The following TNR variants were observed in gnomAD, a reference collection of about 807,000 sequenced individuals.
The protein encoded by TNR is tenascin R.
TNR carries 45 observed loss-of-function variants against 150.4 expected under a neutral mutation model. The observed-to-expected ratio is 0.30, with a 90% CI of 0.24 to 0.38. The LOEUF (loss-of-function observed/expected upper bound fraction) is 0.38, where lower values mean the gene tolerates loss of function less well. TNR is among the 10% of genes least tolerant of loss of function. TNR has a pLI of 1.00. For missense variants in TNR, 1,544 were observed against 1,759.1 expected, an observed-to-expected ratio of 0.88 and a Z score of 2.19; for synonymous variants, 687 against 678.4, an observed-to-expected ratio of 1.01 and a Z score of -0.20.
intron 1 of TNR, among the ~76,000 whole-genome samples, chr1:175,676,960 G>A (rs187490226): frequency 4.6e-5 from 7 of 152,294 alleles, no homozygotes; most frequent in African/African-American, 1.7e-4. Context: ...CATTTTCCAG[G>A]TGAGAGGACT....
chr1:175,594,699 A>G (rs994135273), intron 1 of TNR, among the ~76,000 whole-genome samples: 2 of 152,028 alleles, frequency 1.3e-5, no homozygotes, highest in African/African-American at 4.8e-5. Flanking sequence ...TACAAAAGAT[A>G]CAAAAATTAT....
intron 2 of TNR, among the ~76,000 whole-genome samples, chr1:175,456,657 A>C (rs889896967): frequency 6.6e-6 from 1 of 152,212 alleles, no homozygotes; most frequent in Non-Finnish European, 1.5e-5. Flanking sequence ...CAGCTCTTGA[A>C]AACATCCTAG....
chr1:175,714,523 T>C (rs1667100738), intron 1 of TNR, among the ~76,000 whole-genome samples: 1 of 152,118 alleles, frequency 6.6e-6, no homozygotes, highest in African/African-American at 2.4e-5. Flanking sequence ...AAATTCTAGA[T>C]AGATGGGCTG....
intron 2 of TNR, among the ~76,000 whole-genome samples, chr1:175,463,176 G>A (rs1656891230): frequency 6.6e-6 from 1 of 152,050 alleles, no homozygotes; most frequent in South Asian, 2.1e-4. Context: ...AAGTGTCCTG[G>A]AGACAGCAGG....
At chr1:175,422,244 T>C (rs1654783866) in intron 2 of TNR, among the ~76,000 whole-genome samples, 1 of 152,238 alleles carries the variant, frequency 6.6e-6, no homozygotes, top group African/African-American at 2.4e-5. Context: ...TTTACACTTA[T>C]CACAATAGTT....
intron 1 of TNR, among the ~76,000 whole-genome samples, chr1:175,564,809 C>A (rs2102213669): frequency 6.6e-6 from 1 of 152,284 alleles, no homozygotes; most frequent in Non-Finnish European, 1.5e-5. Context: ...ATAAAGCACT[C>A]ACCTCCAATT....
At chr1:175,455,186 C>G (rs1021485301) in intron 2 of TNR, among the ~76,000 whole-genome samples, 21 of 152,184 alleles carry the variant, frequency 1.4e-4, no homozygotes, top group Admixed American at 1.4e-3. Context: ...TCCCCAAGAG[C>G]CCGAGCCTCC....
chr1:175,366,113 C>T lies in TNR; in HGVS notation c.2079G>A (p.Met693Ile), dbSNP rs775437444. ...RTELDSPRDL[M>I]VTASSETSIS... ...TGGAGGTCTCCGAGGAGGCTGTCAC[C>T]ATGAGGTCTCGGGGACTGTCAAGTT... Residue 693 changes from methionine to isoleucine, a missense_variant, in exon 11 of 23, where the codon ATG becomes ATA. Physicochemically the swap from Met to Ile is conservative, Grantham distance 10. This residue lies in a region of TNR where 1,254 missense variants were observed against 1,329.4 expected (regional missense o/e 0.94). Coordinates refer to ENST00000367674, the MANE Select transcript of TNR (RefSeq NM_003285.3). 2 of 1,610,620 alleles carry T rather than the reference C, an allele frequency of 1.2e-6. No homozygotes were observed. Among genetic ancestry groups the T allele is most frequent in the East Asian group, 2.2e-5 (1 of 44,796 alleles).
At chr1:175,626,864 T>G (rs1234420778) in intron 1 of TNR, among the ~76,000 whole-genome samples, 1 of 152,128 alleles carries the variant, frequency 6.6e-6, no homozygotes, top group Non-Finnish European at 1.5e-5. Context: ...CTCAATCTAA[T>G]GACAAGTGAT....
intron 2 of TNR, among the ~76,000 whole-genome samples, chr1:175,493,460 G>T (rs546939842): frequency 2.0e-5 from 3 of 152,316 alleles, no homozygotes; most frequent in South Asian, 2.1e-4. Flanking sequence ...AGACCAGGGC[G>T]GCCTCTCTGG....
chr1:175,391,594 G>A (rs1653173986), intron 6 of TNR, among the ~76,000 whole-genome samples, 156 bp from the exon 7 acceptor site: 1 of 152,166 alleles, frequency 6.6e-6, no homozygotes, highest in Non-Finnish European at 1.5e-5. Flanking sequence ...AGTATCTGGG[G>A]CCAGAAATAA....
intron 1 of TNR, among the ~76,000 whole-genome samples, chr1:175,645,494 G>A (rs1182303291): frequency 6.6e-6 from 1 of 152,174 alleles, no homozygotes; most frequent in Non-Finnish European, 1.5e-5. Flanking sequence ...ATTCTAAGAG[G>A]AATTTATAAT....
intron 2 of TNR, among the ~76,000 whole-genome samples, chr1:175,478,931 C>G (rs1375960922): frequency 6.6e-6 from 1 of 152,186 alleles, no homozygotes; most frequent in African/African-American, 2.4e-5. Context: ...TGGTTACAGG[C>G]TAGTAAATCC....
chr1:175,590,665 A>G (rs992793074), intron 1 of TNR, among the ~76,000 whole-genome samples: 2 of 152,218 alleles, frequency 1.3e-5, no homozygotes, highest in African/African-American at 4.8e-5. Context: ...GCCAGCAGTG[A>G]GGAGGGGAAG....
At chr1:175,386,962 T>A (rs1223096753) in intron 7 of TNR, among the ~76,000 whole-genome samples, 1 of 152,208 alleles carries the variant, frequency 6.6e-6, no homozygotes, top group African/African-American at 2.4e-5. Context: ...TTTTTCTCCA[T>A]CTGTTCTTGC....
intron 6 of TNR, among the ~76,000 whole-genome samples, chr1:175,393,403 G>A (rs914401483): frequency 2.0e-5 from 3 of 152,154 alleles, no homozygotes; most frequent in Non-Finnish European, 4.4e-5. Flanking sequence ...ATTATGTGAT[G>A]GATTCAGCCT....
rs530002979 is a variant in TNR, at chr1:175,693,032, C to G, written c.-165+50194G>C. Among the ~76,000 whole-genome samples, 146 of 152,340 alleles carry G rather than the reference C, an allele frequency of 9.6e-4. 1 individual carries two copies. The highest frequency in any genetic ancestry group is 3.4e-3 in the African/African-American group (140 of 41,564). ...GCCATTGAGGAAAACAGACACAGAC[C>G]TCTGCACTTGTAAAGTTATTCAAGT... On this transcript the variant is annotated intron_variant, in intron 1 of 22. Transcript: ENST00000367674.
intron 1 of TNR, among the ~76,000 whole-genome samples, chr1:175,670,540 C>T (rs997359626): frequency 6.6e-6 from 1 of 152,196 alleles, no homozygotes; most frequent in South Asian, 2.1e-4. Context: ...TTAGTGAGCA[C>T]TTACCAGGTG....
intron 9 of TNR, 95 bp from the exon 10 acceptor site, chr1:175,367,392 T>G: frequency 1.0e-6 from 1 of 1,004,174 alleles, no homozygotes; most frequent in Non-Finnish European, 1.6e-6. Flanking sequence ...CTCCTATTCA[T>G]ATCTTGTGTT....
Sources: allele counts gnomAD v4.1 joint callset (sites outside exome capture counted in the v4.1 genomes callset), GRCh38; gene constraint gnomAD v4.1.1; regional missense constraint gnomAD v4.1.1; transcripts MANE v1.5; gene names NCBI Gene and HGNC (gene_info 2026-07-23, HGNC 2026-07-21).